SKIC3: variants seen among roughly 807,000 people sequenced by gnomAD.
SKIC3 encodes the protein superkiller complex protein 3.
the SKIC3 span, among the ~76,000 whole-genome samples, chr5:95,485,799 A>T: frequency 6.6e-6 from 1 of 152,176 alleles, no homozygotes; most frequent in Non-Finnish European, 1.5e-5. Flanking sequence ...AAAGGAACCA[A>T]ATAGCAAGTA....
At chr5:95,476,756 G>T in the SKIC3 span, among the ~76,000 whole-genome samples, 1 of 152,094 alleles carries the variant, frequency 6.6e-6, no homozygotes, top group Non-Finnish European at 1.5e-5. Context: ...AAAATACTTC[G>T]GTGGTATAGT....
the SKIC3 span, chr5:95,464,662 T>C: frequency 1.2e-6 from 2 of 1,613,562 alleles, no homozygotes; most frequent in Non-Finnish European, 1.7e-6. Context: ...TCCATGAGTT[T>C]TGGCATTGTT....
chr5:95,521,909 T>A, the SKIC3 span: 6 of 907,814 alleles, frequency 6.6e-6, no homozygotes, highest in Non-Finnish European at 9.9e-6. Context: ...TTATATAAGC[T>A]ATACTGTAAG....
chr5:95,503,403 A>G, the SKIC3 span, among the ~76,000 whole-genome samples: 1 of 152,350 alleles, frequency 6.6e-6, no homozygotes, highest in Non-Finnish European at 1.5e-5. Flanking sequence ...GGCTAAGCCC[A>G]TATATGTGAA....
the SKIC3 span, among the ~76,000 whole-genome samples, chr5:95,541,016 G>A: frequency 1.3e-5 from 2 of 151,976 alleles, no homozygotes; most frequent in Non-Finnish European, 2.9e-5. Context: ...TCCCAGGCTG[G>A]AATGCAATGG....
the SKIC3 span, chr5:95,523,869 A>G: frequency 1.9e-6 from 3 of 1,589,086 alleles, no homozygotes; most frequent in Admixed American, 3.3e-5. Context: ...CAGAACATTA[A>G]AAGTTCATTT....
chr5:95,536,782 C>A, the SKIC3 span: 1 of 1,527,932 alleles, frequency 6.5e-7, no homozygotes, highest in South Asian at 1.1e-5. Flanking sequence ...AATCACACAC[C>A]TCTAGGACAC....
chr5:95,468,918 T>C, the SKIC3 span, among the ~76,000 whole-genome samples: 1 of 152,216 alleles, frequency 6.6e-6, no homozygotes, highest in Non-Finnish European at 1.5e-5. Context: ...AAACATTTCT[T>C]AGTGAAATTA....
the SKIC3 span, chr5:95,484,614 CA>C: frequency 2.0e-6 from 3 of 1,482,940 alleles, no homozygotes; most frequent in Non-Finnish European, 2.8e-6. Flanking sequence ...CCCAAAGTGC[CA>C]GGAATACAGG....
At chr5:95,465,086 C>A in the SKIC3 span, among the ~76,000 whole-genome samples, 3 of 151,878 alleles carry the variant, frequency 2.0e-5, no homozygotes, top group Non-Finnish European at 4.4e-5. Flanking sequence ...CACCACCACA[C>A]CTGGCTAATT....
the SKIC3 span, chr5:95,530,113 C>G: frequency 1.2e-6 from 2 of 1,613,494 alleles, no homozygotes; most frequent in Middle Eastern, 1.7e-4. Context: ...CTAACAGCAT[C>G]TTCATACTTT....
At chr5:95,536,736 A>G in the SKIC3 span, 1 of 1,148,142 alleles carries the variant, frequency 8.7e-7, no homozygotes, top group South Asian at 1.2e-5. Flanking sequence ...CATGGTAGAC[A>G]CTAAAACATT....
chr5:95,506,898 C>T, the SKIC3 span: 3 of 1,602,486 alleles, frequency 1.9e-6, no homozygotes, highest in African/African-American at 1.3e-5. Flanking sequence ...AAAATACAAT[C>T]AATTGACAGA....
At chr5:95,495,104 A>C in the SKIC3 span, 1 of 1,287,418 alleles carries the variant, frequency 7.8e-7, no homozygotes, top group Non-Finnish European at 1.1e-6. Flanking sequence ...CTTTCCACTA[A>C]ATCACTGGAA....
At chr5:95,482,602 G>A in the SKIC3 span, 48 of 1,613,778 alleles carry the variant, frequency 3.0e-5, 1 homozygote, top group East Asian at 2.5e-4. Flanking sequence ...GTAAGATAAC[G>A]GCTGGCTGAT....
the SKIC3 span, chr5:95,550,545 G>C: frequency 2.7e-5 from 4 of 148,486 alleles, no homozygotes; most frequent in Non-Finnish European, 5.9e-5. Flanking sequence ...AGTAAAAATA[G>C]ATTCCAATTT....
At chr5:95,512,854 A>C in the SKIC3 span, 47 of 482,706 alleles carry the variant, frequency 9.7e-5, no homozygotes, top group Admixed American at 1.1e-3. Context: ...AAATGCAGAA[A>C]ACAGAGCCTT....
chr5:95,524,704 C>A, the SKIC3 span: 2 of 1,393,514 alleles, frequency 1.4e-6, no homozygotes, highest in Non-Finnish European at 2.0e-6. Context: ...TTCAGAGGTG[C>A]CAAATTAGAA....
At chr5:95,523,915 C>A in the SKIC3 span, 3 of 1,340,166 alleles carry the variant, frequency 2.2e-6, no homozygotes, top group South Asian at 1.3e-5. Flanking sequence ...GATAAATACA[C>A]AGATTAAAGA....
Sources: allele counts gnomAD v4.1 joint callset (sites outside exome capture counted in the v4.1 genomes callset), GRCh38; gene constraint gnomAD v4.1.1; transcripts MANE v1.5; gene names NCBI Gene and HGNC (gene_info 2026-07-23, HGNC 2026-07-21).